Variants in TET2 observed in about 807,000 individuals in gnomAD.
TET2 encodes the protein tet methylcytosine dioxygenase 2.
In TET2, 299 loss-of-function variants were observed where a neutral mutation model predicts 142.9. The ratio of observed to expected loss-of-function variants is 2.09; its 90% CI spans 1.90 to 2.30. TET2 has a LOEUF of 2.30. Ranked by LOEUF, TET2 falls within the 30% of genes most tolerant of loss-of-function variation. The probability of loss-of-function intolerance (pLI) is 0.00; values close to 1 mark genes in which losing one functional copy is unlikely to be tolerated. For synonymous variants in TET2, 819 were observed against 849.0 expected (o/e 0.96, Z 0.61); for missense variants, 2,418 against 2,378.0 (o/e 1.02, Z -0.35).
chr4:105,180,703 G>A (rs1375479049), intron 1 of TET2, among the ~76,000 whole-genome samples: 2 of 151,336 alleles, frequency 1.3e-5, no homozygotes, highest in Non-Finnish European at 2.9e-5. Flanking sequence ...GCAGAAGCAC[G>A]ATCTTGCCTC....
intron 1 of TET2, among the ~76,000 whole-genome samples, chr4:105,187,743 T>C (rs539729148): frequency 6.6e-6 from 1 of 152,350 alleles, no homozygotes; most frequent in East Asian, 1.9e-4. Context: ...AACTATTGCT[T>C]ATACTTGAGT....
intron 2 of TET2, among the ~76,000 whole-genome samples, chr4:105,198,720 C>T (rs1726249173): frequency 6.6e-6 from 1 of 152,266 alleles, no homozygotes; most frequent in Non-Finnish European, 1.5e-5. Flanking sequence ...CATGCAGGAA[C>T]CTTCTTTACT....
At chr4:105,149,507 G>A (rs1578521984) in intron 1 of TET2, among the ~76,000 whole-genome samples, 3 of 152,144 alleles carry the variant, frequency 2.0e-5, no homozygotes, top group African/African-American at 7.2e-5. Flanking sequence ...TACAATAAAA[G>A]ACATAACCTC....
chr4:105,167,923 C>T lies in TET2; in HGVS notation c.-193+20944C>T, dbSNP rs181851830. ...GCCTAGCTTTAAGGAATGAAGGAAA[C>T]ACTAGAAACAACAGAGAGAAAAGGA... On this transcript the variant is annotated intron_variant, in intron 1 of 10. Coordinates refer to ENST00000380013, the MANE Select transcript of TET2 (RefSeq NM_001127208.3). Among the ~76,000 whole-genome samples, 1,279 of 152,266 alleles carry T rather than the reference C, an allele frequency of 8.4e-3. 10 individuals are homozygous for T. The highest frequency in any genetic ancestry group is 0.014 in the Non-Finnish European group (976 of 68,004).
chr4:105,177,040 T>G (rs529299367), intron 1 of TET2, among the ~76,000 whole-genome samples: 12 of 152,216 alleles, frequency 7.9e-5, no homozygotes, highest in Non-Finnish European at 1.3e-4. Flanking sequence ...CAAATAATGC[T>G]GGAAAAACTA....
At chr4:105,198,883 A>G (rs939335762) in intron 2 of TET2, among the ~76,000 whole-genome samples, 12 of 152,216 alleles carry the variant, frequency 7.9e-5, no homozygotes. Context: ...ACTATATTAG[A>G]GCTTGAACCT....
chr4:105,265,315 T>TG (rs1402483205), intron 8 of TET2, among the ~76,000 whole-genome samples: 1 of 152,212 alleles, frequency 6.6e-6, no homozygotes, highest in Non-Finnish European at 1.5e-5. Context: ...AACAGCCACA[T>TG]GTGGATAATG....
chr4:105,240,637 C>T (rs1729242857), intron 3 of TET2: 1 of 1,080,122 alleles, frequency 9.3e-7, no homozygotes, highest in Non-Finnish European at 1.1e-6. Context: ...AAACACCACA[C>T]ATCTCATAGA....
intron 2 of TET2, among the ~76,000 whole-genome samples, chr4:105,224,643 G>C (rs1271818918): frequency 6.9e-6 from 1 of 144,924 alleles, no homozygotes; most frequent in Non-Finnish European, 1.5e-5. Flanking sequence ...ACATGCCTCT[G>C]ACATAGAAGA....
At chr4:105,242,370 T>A (rs1729354238) in intron 4 of TET2, 2 of 1,079,406 alleles carry the variant, frequency 1.9e-6, no homozygotes, top group East Asian at 1.0e-4. Context: ...ATATTTTCCA[T>A]GTGGCTGGAT....
At chr4:105,188,032 A>T (rs995575296) in intron 1 of TET2, among the ~76,000 whole-genome samples, 1 of 152,228 alleles carries the variant, frequency 6.6e-6, no homozygotes, top group Non-Finnish European at 1.5e-5. Context: ...AATTGAAAAC[A>T]TATGCCCATA....
intron 2 of TET2, among the ~76,000 whole-genome samples, chr4:105,208,950 C>G (rs1373182653): frequency 6.7e-6 from 1 of 150,262 alleles, no homozygotes; most frequent in Non-Finnish European, 1.5e-5. Context: ...TAAATTTTAA[C>G]ATCTGCTGGA....
intron 1 of TET2, chr4:105,178,072 A>G (rs957666808): frequency 1.4e-4 from 22 of 152,278 alleles, no homozygotes; most frequent in African/African-American, 5.1e-4. Flanking sequence ...TGAGTGACAG[A>G]GCAAAACTCC....
At position 105,235,970 on chromosome 4, in the gene TET2, G is replaced by T; in HGVS notation, c.2028G>T (p.Leu676=). ...DHLPKAHVQS[L]CGTRFHFQQR... Reference sequence around the variant, plus strand: ...TACCAAAAGCTCATGTGCAGTCACTGTGTGGCACTAGATTTCATTTTCAAC... The same window carrying T: ...TACCAAAAGCTCATGTGCAGTCACTTTGTGGCACTAGATTTCATTTTCAAC... The change falls in exon 3 of 11, where the codon CTG becomes CTT. Residue 676 remains leucine, a synonymous_variant. Transcript: ENST00000380013. 1 of 1,614,182 alleles carries T rather than the reference G, an allele frequency of 6.2e-7. No individual in the cohort carries two copies. Among genetic ancestry groups the T allele is most frequent in the Non-Finnish European group, 8.5e-7 (1 of 1,180,020 alleles).
chr4:105,226,749 A>T (rs1211497624), intron 2 of TET2, among the ~76,000 whole-genome samples: 1 of 152,168 alleles, frequency 6.6e-6, no homozygotes, highest in East Asian at 1.9e-4. Context: ...CACCCAAAGC[A>T]GATGCCAGTG....
chr4:105,194,122 T>TA (rs1257488588), intron 2 of TET2, among the ~76,000 whole-genome samples: 1 of 152,054 alleles, frequency 6.6e-6, no homozygotes, highest in Non-Finnish European at 1.5e-5. Context: ...CTCCTGCTAA[T>TA]AAAAAAATAA....
chr4:105,243,498 C>A, intron 5 of TET2, 72 bp from the exon 6 acceptor site: 1 of 1,361,456 alleles, frequency 7.3e-7, no homozygotes, highest in Non-Finnish European at 1.0e-6. Context: ...GTGCCCTTAT[C>A]TGCTGCAAGT....
At chr4:105,224,842 G>C (rs1163954136) in intron 2 of TET2, among the ~76,000 whole-genome samples, 1 of 151,550 alleles carries the variant, frequency 6.6e-6, no homozygotes, top group Non-Finnish European at 1.5e-5. Flanking sequence ...TTGACCTTTA[G>C]AATTTCTGAA....
At position 105,243,608 on chromosome 4, in the gene TET2, T is replaced by G. The variant is rs1729422698; in HGVS notation, c.3633T>G (p.Cys1211Trp). 6.4e-7 allele frequency: 1 copy of G among 1,551,612 alleles called. No individual in the cohort carries two copies. Among genetic ancestry groups the G allele is most frequent in the Non-Finnish European group, 8.7e-7 (1 of 1,146,942 alleles). ...GCAGCAGTGAAGAGAAGCTACTGTG[T>G]TTGGTGCGGGAGCGAGCTGGCCACA... ...RRSSSEEKLL[C>W]LVRERAGHTC... Residue 1211 changes from cysteine (C) to tryptophan (W), a missense_variant, in exon 6 of 11, where the codon TGT (cysteine) becomes TGG (tryptophan). Transcript: ENST00000380013.
Sources: gnomAD v4.1 joint callset for allele counts (sites outside exome capture counted in the v4.1 genomes callset) on GRCh38, gnomAD v4.1.1 for gene constraint, MANE v1.5 for transcripts, NCBI Gene and HGNC (gene_info 2026-07-23, HGNC 2026-07-21) for gene names.